SLC24A2: variants seen among roughly 807,000 people sequenced by gnomAD.
SLC24A2 encodes sodium/potassium/calcium exchanger 2.
SLC24A2 carries 36 observed loss-of-function variants against 62.0 expected under a neutral mutation model. The observed-to-expected ratio is 0.58, with a 90% CI of 0.44 to 0.77. SLC24A2 has a LOEUF of 0.77. SLC24A2 is among the 30% of genes least tolerant of loss of function. SLC24A2 has a pLI of 0.00. For missense variants in SLC24A2, 846 were observed against 817.9 expected, an observed-to-expected ratio of 1.03 and a Z score of -0.42; for synonymous variants, 358 against 294.0, an observed-to-expected ratio of 1.22 and a Z score of -2.23.
chr9:19,711,928 T>C (rs1820726607), intron 2 of SLC24A2, among the ~76,000 whole-genome samples: 1 of 152,176 alleles, frequency 6.6e-6, no homozygotes, highest in Non-Finnish European at 1.5e-5. Flanking sequence ...GGATCCCCTA[T>C]GAACCATTAT....
intron 9 of SLC24A2, among the ~76,000 whole-genome samples, chr9:19,525,391 C>CTTTTTTTTTTTTTTTTTT (rs572919824): frequency 1.3e-5 from 1 of 76,374 alleles, no homozygotes. Context: ...TATTTCTTTA[C>CTTTTTTTTTTTTTTTTTT]TTTTTTTTTT....
At chr9:19,804,464 AG>A in the SLC24A2 span, among the ~76,000 whole-genome samples, 90 of 152,252 alleles carry the variant, frequency 5.9e-4, no homozygotes, top group African/African-American at 2.0e-3. Context: ...TTCCATTGCT[AG>A]TATATAGAAA....
chr9:19,648,450 A>G (rs1818705672), intron 2 of SLC24A2, among the ~76,000 whole-genome samples: 2 of 152,216 alleles, frequency 1.3e-5, no homozygotes, highest in Non-Finnish European at 2.9e-5. Flanking sequence ...TCAAAACACA[A>G]GAGAAAAAGT....
chr9:20,273,299 C>A, the SLC24A2 span, among the ~76,000 whole-genome samples: 128 of 152,254 alleles, frequency 8.4e-4, 5 homozygotes, highest in East Asian at 0.019. Flanking sequence ...AGTTATAAAA[C>A]CCTCATGCAA....
chr9:20,292,160 G>A, the SLC24A2 span, among the ~76,000 whole-genome samples: 17 of 152,150 alleles, frequency 1.1e-4, no homozygotes, highest in Non-Finnish European at 1.8e-4. Context: ...ATCAAAAAAC[G>A]ACTTGCTTGT....
the SLC24A2 span, among the ~76,000 whole-genome samples, chr9:20,095,569 A>C: frequency 1.7e-4 from 26 of 152,084 alleles, no homozygotes; most frequent in African/African-American, 6.3e-4. Flanking sequence ...TTTTTTTTCT[A>C]CTTCCAGACT....
intron 2 of SLC24A2, among the ~76,000 whole-genome samples, chr9:19,731,493 T>C (rs1409309350): frequency 2.7e-5 from 2 of 72,802 alleles, no homozygotes; most frequent in African/African-American, 5.1e-5. Flanking sequence ...TTAAGAACAC[T>C]TGTTTCTCTC....
At chr9:19,770,895 C>G (rs768201564) in intron 2 of SLC24A2, among the ~76,000 whole-genome samples, 8 of 152,134 alleles carry the variant, frequency 5.3e-5, no homozygotes, top group Non-Finnish European at 8.8e-5. Context: ...TAACCCAACT[C>G]TTAGACTTCA....
chr9:20,018,869 G>T, the SLC24A2 span, among the ~76,000 whole-genome samples: 1 of 151,982 alleles, frequency 6.6e-6, no homozygotes, highest in Non-Finnish European at 1.5e-5. Context: ...TTAAAGACAA[G>T]CCTGGGCAAC....
intron 2 of SLC24A2, among the ~76,000 whole-genome samples, chr9:19,749,666 C>T (rs967101714): frequency 6.6e-6 from 1 of 152,148 alleles, no homozygotes; most frequent in African/African-American, 2.4e-5. Context: ...AACAATGAAT[C>T]ATTTTTAGTA....
At chr9:19,527,562 G>T (rs1833496592) in intron 9 of SLC24A2, among the ~76,000 whole-genome samples, 2 of 152,196 alleles carry the variant, frequency 1.3e-5, no homozygotes, top group Non-Finnish European at 2.9e-5. Flanking sequence ...GTATTCTTGT[G>T]ATGGGCATTG....
the SLC24A2 span, among the ~76,000 whole-genome samples, chr9:20,212,105 T>C: frequency 6.6e-6 from 1 of 151,956 alleles, no homozygotes; most frequent in Non-Finnish European, 1.5e-5. Context: ...CATTCAGTGA[T>C]TGTCTATGAC....
chr9:20,174,830 T>C, the SLC24A2 span, among the ~76,000 whole-genome samples: 2 of 151,906 alleles, frequency 1.3e-5, no homozygotes, highest in Non-Finnish European at 2.9e-5. Context: ...TACTATTTGG[T>C]CCAGCAATCC....
chr9:19,730,394 A>G (rs1821300800), intron 2 of SLC24A2, among the ~76,000 whole-genome samples: 2 of 152,168 alleles, frequency 1.3e-5, no homozygotes, highest in Admixed American at 1.3e-4. Flanking sequence ...TTTAACGTAT[A>G]TATTTATCTG....
the SLC24A2 span, among the ~76,000 whole-genome samples, chr9:20,056,219 T>C: frequency 6.6e-6 from 1 of 152,118 alleles, no homozygotes; most frequent in African/African-American, 2.4e-5. Flanking sequence ...AATTGAGCAC[T>C]GTGTGTGTGT....
the SLC24A2 span, among the ~76,000 whole-genome samples, chr9:19,873,586 C>CT: frequency 6.7e-6 from 1 of 149,480 alleles, no homozygotes; most frequent in African/African-American, 2.5e-5. Context: ...TCCTTTCCTT[C>CT]CCTTTCCTTT....
chr9:20,285,641 T>C, the SLC24A2 span, among the ~76,000 whole-genome samples: 78,234 of 152,048 alleles, frequency 0.51, 20,908 homozygotes, highest in African/African-American at 0.68. Flanking sequence ...GTTAATCTCA[T>C]CCAAAGTCAC....
the SLC24A2 span, among the ~76,000 whole-genome samples, chr9:19,826,779 T>C: frequency 6.6e-6 from 1 of 152,188 alleles, no homozygotes; most frequent in Non-Finnish European, 1.5e-5. Context: ...ATTAGGGATT[T>C]AGTTTCAACG....
At chr9:20,059,239 A>G in the SLC24A2 span, among the ~76,000 whole-genome samples, 5 of 152,218 alleles carry the variant, frequency 3.3e-5, no homozygotes, top group Admixed American at 2.0e-4. Context: ...AAACAAGAGA[A>G]CATTTAGAGA....
Sources: allele counts gnomAD v4.1 joint callset (sites outside exome capture counted in the v4.1 genomes callset), GRCh38; gene constraint gnomAD v4.1.1; transcripts MANE v1.5; gene names NCBI Gene and HGNC (gene_info 2026-07-23, HGNC 2026-07-21).